Variants in CCDC178 observed in about 807,000 individuals in gnomAD.
The protein encoded by CCDC178 is coiled-coil domain containing 178.
A neutral mutation model predicts 117.4 loss-of-function variants in CCDC178; 126 were observed. The ratio of observed to expected loss-of-function variants is 1.07; its 90% CI spans 0.93 to 1.24. The LOEUF is 1.24. Ranked by LOEUF, CCDC178 falls within the 50% of genes most tolerant of loss-of-function variation. The probability of loss-of-function intolerance (pLI) is 0.00; values close to 1 mark genes in which losing one functional copy is unlikely to be tolerated. For synonymous variants in CCDC178, 283 were observed against 313.4 expected, an observed-to-expected ratio of 0.90 and a Z score of 1.02; for missense variants, 1,030 against 986.9, an observed-to-expected ratio of 1.04 and a Z score of -0.59.
At chr18:33,113,437 T>C (rs2057810017) in intron 20 of CCDC178, among the ~76,000 whole-genome samples, 1 of 152,002 alleles carries the variant, frequency 6.6e-6, no homozygotes, top group African/African-American at 2.4e-5. Context: ...ATAAAAACTT[T>C]GGAATCAATA....
chr18:33,076,342 C>T (rs150698488), intron 21 of CCDC178, among the ~76,000 whole-genome samples: 28 of 152,296 alleles, frequency 1.8e-4, no homozygotes, highest in African/African-American at 6.0e-4. Flanking sequence ...TTAAGAAGAT[C>T]GGTCTTCACA....
intron 3 of CCDC178, among the ~76,000 whole-genome samples, chr18:33,400,888 A>T (rs976304795): frequency 3.9e-5 from 6 of 152,196 alleles, no homozygotes; most frequent in Non-Finnish European, 8.8e-5. Context: ...CACTAAGTTT[A>T]ATCATTTCTA....
chr18:33,120,635 G>A (rs909570507), intron 20 of CCDC178, among the ~76,000 whole-genome samples: 1 of 152,124 alleles, frequency 6.6e-6, no homozygotes, highest in African/African-American at 2.4e-5. Context: ...GAAATGGATG[G>A]TGAAAAGGAT....
At chr18:33,331,026 C>CTTTTTCTTTTTTTTTTTTTT (rs2062660745) in intron 10 of CCDC178, among the ~76,000 whole-genome samples, 1 of 45,060 alleles carries the variant, frequency 2.2e-5, no homozygotes, top group African/African-American at 1.3e-4. Context: ...ACAAACATTG[C>CTTTTTCTTTTTTTTTTTTTT]TTTTTTTTTT....
intron 11 of CCDC178, 63 bp downstream of exon 11, chr18:33,323,428 T>A: frequency 9.2e-7 from 1 of 1,082,694 alleles, no homozygotes; most frequent in Non-Finnish European, 1.2e-6. Flanking sequence ...GAAATATACA[T>A]TACATTTTTA....
At chr18:33,277,827 C>T (rs556571803) in intron 12 of CCDC178, among the ~76,000 whole-genome samples, 2 of 152,080 alleles carry the variant, frequency 1.3e-5, no homozygotes, top group African/African-American at 2.4e-5. Flanking sequence ...CCATTACAAT[C>T]CAGGATAATC....
At chr18:33,096,843 T>C (rs1159807026) in intron 20 of CCDC178, among the ~76,000 whole-genome samples, 1 of 152,074 alleles carries the variant, frequency 6.6e-6, no homozygotes, top group African/African-American at 2.4e-5. Flanking sequence ...TAAAAGCTAA[T>C]ATTAGGGAGT....
intron 21 of CCDC178, among the ~76,000 whole-genome samples, chr18:33,074,928 T>C (rs2057178184): frequency 6.6e-6 from 1 of 152,180 alleles, no homozygotes; most frequent in African/African-American, 2.4e-5. Context: ...AGTATATTTG[T>C]ATAATATATA....
At chr18:33,335,611 T>A (rs908993956) in intron 9 of CCDC178, among the ~76,000 whole-genome samples, 69 of 152,202 alleles carry the variant, frequency 4.5e-4, no homozygotes, top group African/African-American at 1.6e-3. Context: ...AACTATTACT[T>A]CTCTCTGAGT....
rs2062609334 is a variant in CCDC178 at position 33,328,082 on chromosome 18, G to GTTTTTT, written c.880-4450_880-4449insAAAAAA. 65 of 249,130 alleles carry GTTTTTT rather than the reference G, an allele frequency of 2.6e-4. 20 individuals carry two copies. The highest frequency in any genetic ancestry group is 2.1e-3 in the African/African-American group (63 of 30,468). 15.4% of individuals were successfully genotyped at this position (249,130 alleles called of 1,614,324 possible). On this transcript the variant is annotated intron_variant, in intron 10 of 22. Transcript: ENST00000383096. ...CCAAGGTCATAAAGATTTATCCCTA[G>GTTTTTT]ATTTTTTTTTTTTTTTTTTTTTTTT... is the stretch of plus-strand genomic sequence containing the variant.
rs147632016 is a variant in CCDC178, at chr18:33,138,138, A to T, written c.2239-45228T>A. Among the ~76,000 whole-genome samples, 281 of 152,342 alleles carry T rather than the reference A, an allele frequency of 1.8e-3. 2 individuals are homozygous for T. The highest frequency in any genetic ancestry group is 6.3e-3 in the African/African-American group (264 of 41,578). On this transcript the variant is annotated intron_variant, in intron 20 of 22. Coordinates refer to ENST00000383096, the MANE Select transcript of CCDC178 (RefSeq NM_001105528.4). The stretch of plus-strand genomic sequence containing the variant: ...TTTACATCCACCAAACATTATTGGT[A>T]AATGTGAAGCCTTGGTGTATAAATG...
At chr18:33,122,292 C>T (rs755210170) in intron 20 of CCDC178, among the ~76,000 whole-genome samples, 2 of 152,040 alleles carry the variant, frequency 1.3e-5, no homozygotes, top group Non-Finnish European at 2.9e-5. Flanking sequence ...GTAGCATGGA[C>T]TTAGGGTTCT....
At chr18:33,348,855 A>G in intron 8 of CCDC178, 35 bp downstream of exon 8, 1 of 1,303,374 alleles carries the variant, frequency 7.7e-7, no homozygotes, top group South Asian at 1.2e-5. Context: ...ACTTTTAAAT[A>G]TATACAGTTA....
chr18:33,079,132 A>G (rs1056022464), intron 21 of CCDC178, among the ~76,000 whole-genome samples: 1 of 152,160 alleles, frequency 6.6e-6, no homozygotes, highest in Admixed American at 6.5e-5. Flanking sequence ...GCATATCAAC[A>G]ATCATCTGAT....
intron 2 of CCDC178, among the ~76,000 whole-genome samples, chr18:33,435,758 A>G (rs139437757): frequency 6.6e-6 from 1 of 151,804 alleles, no homozygotes; most frequent in East Asian, 1.9e-4. Flanking sequence ...AGGAAAAAGG[A>G]TCAAATGCTA....
chr18:33,245,836 T>G (rs1319263848), intron 14 of CCDC178, among the ~76,000 whole-genome samples: 1 of 151,938 alleles, frequency 6.6e-6, no homozygotes, highest in African/African-American at 2.4e-5. Context: ...GTTTCTCAAC[T>G]TCGATATTAT....
At chr18:33,373,594 C>G (rs937645722) in intron 5 of CCDC178, among the ~76,000 whole-genome samples, 6 of 152,148 alleles carry the variant, frequency 3.9e-5, no homozygotes, top group African/African-American at 1.4e-4. Context: ...GCGGAATACT[C>G]AGCTCTTTCA....
intron 21 of CCDC178, among the ~76,000 whole-genome samples, chr18:33,059,704 C>T (rs941788000): frequency 6.6e-6 from 1 of 151,864 alleles, no homozygotes; most frequent in Non-Finnish European, 1.5e-5. Flanking sequence ...CTGTCAGTAC[C>T]TTTAACCTGA....
intron 5 of CCDC178, among the ~76,000 whole-genome samples, chr18:33,371,784 T>TACAC (rs146013235): frequency 0.18 from 25,407 of 143,984 alleles, 2,251 homozygotes; most frequent in African/African-American, 0.21. Flanking sequence ...TAAACATATA[T>TACAC]ACACACACAC....
Sources: gnomAD v4.1 joint callset for allele counts (sites outside exome capture counted in the v4.1 genomes callset) on GRCh38, gnomAD v4.1.1 for gene constraint, MANE v1.5 for transcripts, NCBI Gene and HGNC (gene_info 2026-07-23, HGNC 2026-07-21) for gene names.